The following CRIM1 variants were observed in gnomAD, a reference collection of about 807,000 sequenced individuals.
CRIM1 encodes the protein cysteine-rich motor neuron 1 protein.
In CRIM1, 32 loss-of-function variants were observed where a neutral mutation model predicts 116.4. That is an observed-to-expected ratio of 0.27 (90% CI 0.21 to 0.37). The LOEUF is 0.37. Among genes scored for constraint, CRIM1 ranks in the 10% least tolerant of loss-of-function variants. The probability of loss-of-function intolerance (pLI) is 1.00; values close to 1 mark genes in which losing one functional copy is unlikely to be tolerated. For missense variants in CRIM1, 1,331 were observed against 1,354.8 expected (o/e 0.98, Z 0.28); for synonymous variants, 590 against 509.2 (o/e 1.16, Z -2.13).
At chr2:36,490,410 A>G (rs951657321) in intron 7 of CRIM1, among the ~76,000 whole-genome samples, 8 of 152,156 alleles carry the variant, frequency 5.3e-5, no homozygotes, top group Admixed American at 3.9e-4. Context: ...GACTCAAGCT[A>G]TGTTTTCTGA....
At chr2:36,384,024 A>G (rs1011256270) in intron 1 of CRIM1, among the ~76,000 whole-genome samples, 1 of 152,226 alleles carries the variant, frequency 6.6e-6, no homozygotes, top group Admixed American at 6.5e-5. Flanking sequence ...TAGTAAGGAA[A>G]ACATACAGCA....
intron 4 of CRIM1, among the ~76,000 whole-genome samples, chr2:36,444,909 G>C (rs1180571041): frequency 6.6e-6 from 1 of 152,146 alleles, no homozygotes; most frequent in Non-Finnish European, 1.5e-5. Context: ...TTCGGCCCCT[G>C]AAGATGACTT....
rs961361383 is a variant in CRIM1 at position 36,513,497 on chromosome 2, T to C, written c.1781-59T>C. 3.1e-5 allele frequency: 43 copies of C among 1,372,554 alleles called. No individual in the cohort carries two copies. In the Admixed American group the frequency reaches 7.0e-4, roughly 22 times the overall value. 85.0% of individuals were successfully genotyped at this position (1,372,554 alleles called of 1,614,324 possible). On this transcript the variant is annotated intron_variant, in intron 10 of 16. Transcript: ENST00000280527. Reference sequence around the variant, plus strand: ...GGGTCCAGTCCATGTACAGACTCTGTAGCCTGTTTCTCCTGTGCAGTAGCC... The same window carrying C: ...GGGTCCAGTCCATGTACAGACTCTGCAGCCTGTTTCTCCTGTGCAGTAGCC...
intron 2 of CRIM1, among the ~76,000 whole-genome samples, chr2:36,420,044 TTC>T (rs1673931274): frequency 6.6e-6 from 1 of 152,206 alleles, no homozygotes; most frequent in African/African-American, 2.4e-5. Context: ...TCTTATTGTT[TTC>T]TGTTTTTGTG....
chr2:36,477,171 T>C, intron 6 of CRIM1, 100 bp downstream of exon 6: 1 of 969,992 alleles, frequency 1.0e-6, no homozygotes, highest in South Asian at 1.9e-5. Flanking sequence ...AGTAAAGGAA[T>C]ATTGAAGTTC....
intron 1 of CRIM1, among the ~76,000 whole-genome samples, chr2:36,384,879 A>G (rs1412782428): frequency 6.6e-6 from 1 of 152,224 alleles, no homozygotes; most frequent in African/African-American, 2.4e-5. Flanking sequence ...AACCATGTGG[A>G]TCTTAATGAT....
At chr2:36,374,970 C>A (rs1457106758) in intron 1 of CRIM1, among the ~76,000 whole-genome samples, 1 of 151,332 alleles carries the variant, frequency 6.6e-6, no homozygotes, top group African/African-American at 2.4e-5. Flanking sequence ...ATAGCCAGCT[C>A]TCCAGGTAGA....
At chr2:36,517,225 A>G in intron 11 of CRIM1, 102 bp from the exon 12 acceptor site, 1 of 836,642 alleles carries the variant, frequency 1.2e-6, no homozygotes, top group Non-Finnish European at 2.0e-6. Context: ...GATGCTCTTC[A>G]CAGTTCATCT....
intron 2 of CRIM1, among the ~76,000 whole-genome samples, chr2:36,437,841 G>GT (rs1675438407): frequency 6.6e-6 from 1 of 151,986 alleles, no homozygotes; most frequent in Non-Finnish European, 1.5e-5. Context: ...AACTTAAAGA[G>GT]TGGGATAACC....
intron 2 of CRIM1, among the ~76,000 whole-genome samples, chr2:36,429,707 A>G (rs1245995170): frequency 1.3e-5 from 2 of 152,236 alleles, no homozygotes; most frequent in African/African-American, 2.4e-5. Flanking sequence ...CACGGTGCCT[A>G]GACAGCAGCA....
intron 7 of CRIM1, among the ~76,000 whole-genome samples, chr2:36,490,236 T>C (rs1015243262): frequency 6.6e-6 from 1 of 152,186 alleles, no homozygotes; most frequent in Non-Finnish European, 1.5e-5. Flanking sequence ...ACATCAATAA[T>C]TACAACAAGA....
intron 13 of CRIM1, among the ~76,000 whole-genome samples, chr2:36,526,260 G>T (rs1665751545): frequency 6.6e-6 from 1 of 152,134 alleles, no homozygotes; most frequent in South Asian, 2.1e-4. Context: ...ATAATGAAGG[G>T]TTAAAGGATG....
chr2:36,453,021 G>A (rs1325439488), intron 4 of CRIM1, among the ~76,000 whole-genome samples: 3 of 152,184 alleles, frequency 2.0e-5, no homozygotes, highest in Non-Finnish European at 4.4e-5. Context: ...GAAATTACTT[G>A]CATAGCTAAT....
At chr2:36,513,268 G>C (rs144474842) in intron 10 of CRIM1, 292 of 361,476 alleles carry the variant, frequency 8.1e-4, no homozygotes, top group African/African-American at 4.4e-3. Context: ...TAAAATCAGT[G>C]CTTGTTTATT....
intron 1 of CRIM1, among the ~76,000 whole-genome samples, chr2:36,381,238 G>A (rs1400877361): frequency 6.6e-6 from 1 of 152,220 alleles, no homozygotes; most frequent in Non-Finnish European, 1.5e-5. Context: ...GGAAGGACTC[G>A]GGGGAGGGGG....
intron 2 of CRIM1, among the ~76,000 whole-genome samples, chr2:36,397,327 A>C (rs1672099016): frequency 6.6e-6 from 1 of 152,212 alleles, no homozygotes; most frequent in Non-Finnish European, 1.5e-5. Context: ...AGTAACAAGA[A>C]AATTATACTG....
At chr2:36,433,706 A>G (rs925370650) in intron 2 of CRIM1, among the ~76,000 whole-genome samples, 1 of 152,228 alleles carries the variant, frequency 6.6e-6, no homozygotes, top group Non-Finnish European at 1.5e-5. Context: ...AGTGATTTTA[A>G]TGCACAGCCA....
intron 1 of CRIM1, among the ~76,000 whole-genome samples, chr2:36,382,670 A>G (rs1230989254): frequency 6.6e-6 from 1 of 152,232 alleles, no homozygotes; most frequent in Non-Finnish European, 1.5e-5. Context: ...GTCCAGTGTG[A>G]TGCTCCAGGC....
chr2:36,533,914 A>AAGGGAAGGAAAGAAGGAATGAAGGAGAG (rs1666293624), intron 13 of CRIM1, among the ~76,000 whole-genome samples: 5 of 147,586 alleles, frequency 3.4e-5, no homozygotes. Context: ...TGGAGAGAGG[A>AAGGGAAGGAAAGAAGGAATGAAGGAGAG]AGGGAAGGAA....
Sources: allele counts gnomAD v4.1 joint callset (sites outside exome capture counted in the v4.1 genomes callset), GRCh38; gene constraint gnomAD v4.1.1; transcripts MANE v1.5; gene names NCBI Gene and HGNC (gene_info 2026-07-23, HGNC 2026-07-21).